The following ASTN2 variants were observed in gnomAD, a reference collection of about 807,000 sequenced individuals.
ASTN2 encodes the protein astrotactin-2.
Under a neutral mutation model 139.8 loss-of-function variants are expected in ASTN2, and 54 were observed. That is an observed-to-expected ratio of 0.39 (90% CI 0.31 to 0.48). The LOEUF is 0.48. ASTN2 is among the 20% of genes least tolerant of loss of function. ASTN2 has a pLI of 0.95. For synonymous variants in ASTN2, 756 were observed against 719.5 expected (o/e 1.05, Z -0.81); for missense variants, 1,565 against 1,725.1 (o/e 0.91, Z 1.64).
chr9:117,122,909 T>G (rs757821837), intron 4 of ASTN2, among the ~76,000 whole-genome samples: 3 of 152,108 alleles, frequency 2.0e-5, no homozygotes, highest in Non-Finnish European at 4.4e-5. Flanking sequence ...TCTTTCAAAC[T>G]GACTTTGATC....
At chr9:117,016,650 A>G (rs1392184771) in intron 6 of ASTN2, among the ~76,000 whole-genome samples, 1 of 109,230 alleles carries the variant, frequency 9.2e-6, no homozygotes, top group Non-Finnish European at 1.8e-5. Context: ...ATATATATAT[A>G]TATATAACCT....
chr9:117,275,801 C>T (rs1172795937), intron 2 of ASTN2, among the ~76,000 whole-genome samples: 1 of 152,056 alleles, frequency 6.6e-6, no homozygotes, highest in Non-Finnish European at 1.5e-5. Context: ...AACTCTTATC[C>T]TCAAGTAATT....
chr9:116,930,206 G>A (rs1010269622), intron 10 of ASTN2, among the ~76,000 whole-genome samples: 10 of 152,220 alleles, frequency 6.6e-5, no homozygotes, highest in Admixed American at 6.5e-4. Context: ...TTGTTGTTCA[G>A]TAAATACTGC....
intron 13 of ASTN2, among the ~76,000 whole-genome samples, chr9:116,790,833 C>T (rs1830509406): frequency 6.6e-6 from 1 of 150,812 alleles, no homozygotes; most frequent in African/African-American, 2.4e-5. Context: ...CGCCACCACG[C>T]TGGGCTAATT....
intron 12 of ASTN2, among the ~76,000 whole-genome samples, chr9:116,815,518 T>G (rs1831287591): frequency 6.6e-6 from 1 of 151,984 alleles, no homozygotes; most frequent in Non-Finnish European, 1.5e-5. Flanking sequence ...TAAAAAATGT[T>G]AATGAGGCCG....
At chr9:117,170,062 T>C (rs1031279992) in intron 3 of ASTN2, among the ~76,000 whole-genome samples, 1 of 152,146 alleles carries the variant, frequency 6.6e-6, no homozygotes, top group Non-Finnish European at 1.5e-5. Context: ...GTTATACCTC[T>C]TGGGGAAGGT....
intron 3 of ASTN2, among the ~76,000 whole-genome samples, chr9:117,150,216 C>T (rs376166076): frequency 9.2e-5 from 14 of 152,270 alleles, no homozygotes; most frequent in African/African-American, 2.4e-4. Context: ...AGATTCCCTC[C>T]GGTTCCATCA....
At chr9:117,331,570 C>T (rs1420079915) in intron 1 of ASTN2, among the ~76,000 whole-genome samples, 1 of 152,182 alleles carries the variant, frequency 6.6e-6, no homozygotes, top group East Asian at 1.9e-4. Flanking sequence ...TGATACAAAA[C>T]ATGACTGACA....
At chr9:116,852,378 G>C (rs1484321235) in intron 11 of ASTN2, among the ~76,000 whole-genome samples, 1 of 152,126 alleles carries the variant, frequency 6.6e-6, no homozygotes, top group Non-Finnish European at 1.5e-5. Flanking sequence ...TACAGGGATG[G>C]GATTTGAATC....
chr9:116,461,547 C>T (rs972154059), intron 20 of ASTN2, among the ~76,000 whole-genome samples: 3 of 152,078 alleles, frequency 2.0e-5, no homozygotes, highest in Non-Finnish European at 4.4e-5. Flanking sequence ...TGGCATCTCA[C>T]TCCTAGAATA....
chr9:117,238,947 G>T (rs572741039), intron 2 of ASTN2, among the ~76,000 whole-genome samples: 8 of 152,316 alleles, frequency 5.3e-5, no homozygotes, highest in Non-Finnish European at 1.2e-4. Context: ...AATATTTCCA[G>T]TCTTTCTCAG....
chr9:116,969,698 T>C (rs1162080605), intron 10 of ASTN2, among the ~76,000 whole-genome samples: 4 of 152,182 alleles, frequency 2.6e-5, no homozygotes. Flanking sequence ...ATCTTTTGTT[T>C]TCTACTTAAG....
chr9:117,033,775 G>T (rs369174378), intron 6 of ASTN2, among the ~76,000 whole-genome samples: 1 of 152,024 alleles, frequency 6.6e-6, no homozygotes, highest in Non-Finnish European at 1.5e-5. Flanking sequence ...TGTTAATCTC[G>T]TAAAACCACC....
rs1838503178 is a variant in ASTN2 at position 117,039,917 on chromosome 9, A to G, written c.1325T>C (p.Val442Ala). 4.3e-6 allele frequency: 7 copies of G among 1,613,852 alleles called. No homozygotes were observed. The highest frequency in any genetic ancestry group is 5.9e-6 in the Non-Finnish European group (7 of 1,179,868). Residue 442 changes from valine to alanine, a missense_variant, in exon 6 of 23, where the codon GTG (valine) becomes GCG (alanine). By Grantham distance (64) the Val-to-Ala change is moderately conservative. Around this residue, in one of 4 missense-constraint regions of ASTN2, gnomAD observed 503 missense variants for 591.7 expected, o/e 0.85. Coordinates refer to ENST00000313400, the MANE Select transcript of ASTN2 (RefSeq NM_001365068.1). ...VNKTALTLIA[V>A]SSCILAMVCG... The stretch of plus-strand genomic sequence containing the variant: ...CACCATGGCCAGGATGCAGGAACTC[A>G]CAGCAATCAGTGTCAGGGCTGTCTT...
chr9:116,928,268 C>A (rs2132446980), intron 10 of ASTN2, among the ~76,000 whole-genome samples: 2 of 152,294 alleles, frequency 1.3e-5, no homozygotes, highest in South Asian at 4.1e-4. Flanking sequence ...ACTTTGGAAG[C>A]CTCAGAGAAA....
chr9:116,545,135 T>G (rs1190862665), intron 19 of ASTN2, among the ~76,000 whole-genome samples: 1 of 152,190 alleles, frequency 6.6e-6, no homozygotes, highest in Non-Finnish European at 1.5e-5. Flanking sequence ...AGTGCCCAGA[T>G]GTGCCAATGC....
chr9:116,674,785 G>A (rs1163780096), intron 16 of ASTN2, among the ~76,000 whole-genome samples: 1 of 152,082 alleles, frequency 6.6e-6, no homozygotes, highest in East Asian at 1.9e-4. Flanking sequence ...CTCAGTGCAA[G>A]GAGACAGCTT....
intron 5 of ASTN2, among the ~76,000 whole-genome samples, chr9:117,088,877 T>C (rs1828633836): frequency 6.6e-6 from 1 of 152,166 alleles, no homozygotes; most frequent in South Asian, 2.1e-4. Flanking sequence ...TCATGCTGGG[T>C]GCCTGCACTG....
chr9:116,457,974 A>G (rs1848381443), intron 20 of ASTN2, among the ~76,000 whole-genome samples: 1 of 152,118 alleles, frequency 6.6e-6, no homozygotes, highest in African/African-American at 2.4e-5. Flanking sequence ...ACTAATGGAT[A>G]AAGAAAATGT....
Sources: allele counts gnomAD v4.1 joint callset (sites outside exome capture counted in the v4.1 genomes callset), GRCh38; gene constraint gnomAD v4.1.1; regional missense constraint gnomAD v4.1.1; transcripts MANE v1.5; gene names NCBI Gene and HGNC (gene_info 2026-07-23, HGNC 2026-07-21).